The following CDK19 variants were observed in gnomAD, a reference collection of about 807,000 sequenced individuals.
The protein encoded by CDK19 is cyclin dependent kinase 19.
A neutral mutation model predicts 68.3 loss-of-function variants in CDK19; 20 were observed. That is an observed-to-expected ratio of 0.29 (90% CI 0.21 to 0.43). CDK19 has a LOEUF of 0.43. CDK19 is among the 20% of genes least tolerant of loss of function. The pLI, the probability that CDK19 is intolerant of heterozygous loss-of-function variation, is 1.00. For missense variants in CDK19, 339 were observed against 623.5 expected (o/e 0.54, Z 4.86); for synonymous variants, 221 against 222.8 (o/e 0.99, Z 0.07).
At chr6:110,676,877 C>G (rs1771578705) in intron 2 of CDK19, among the ~76,000 whole-genome samples, 1 of 152,156 alleles carries the variant, frequency 6.6e-6, no homozygotes, top group African/African-American at 2.4e-5. Flanking sequence ...ACCAAACTTG[C>G]AATATCTCTA....
chr6:110,723,861 G>C (rs948440877), intron 2 of CDK19, among the ~76,000 whole-genome samples: 1 of 152,050 alleles, frequency 6.6e-6, no homozygotes, highest in Non-Finnish European at 1.5e-5. Flanking sequence ...CGGCCTTTTG[G>C]CTAAGATCAA....
intron 6 of CDK19, among the ~76,000 whole-genome samples, chr6:110,627,715 C>G (rs1313308033): frequency 6.6e-6 from 1 of 152,060 alleles, no homozygotes; most frequent in Non-Finnish European, 1.5e-5. Context: ...CAAGGTCTTA[C>G]CATGTCTAAC....
intron 2 of CDK19, among the ~76,000 whole-genome samples, chr6:110,744,469 T>A (rs1777930749): frequency 6.6e-6 from 1 of 152,050 alleles, no homozygotes; most frequent in African/African-American, 2.4e-5. Context: ...GGGTTCAAGG[T>A]TACAGTGAGA....
intron 1 of CDK19, among the ~76,000 whole-genome samples, chr6:110,770,932 G>A (rs1161472705): frequency 5.9e-5 from 9 of 152,170 alleles, no homozygotes; most frequent in Admixed American, 5.9e-4. Flanking sequence ...CCTTTGACTC[G>A]AGGTCTCACA....
chr6:110,623,219 G>A (rs1778824322), intron 9 of CDK19, 71 bp downstream of exon 9: 1 of 1,242,752 alleles, frequency 8.0e-7, no homozygotes, highest in Admixed American at 1.8e-5. Context: ...TAAAGAGGAG[G>A]AATAGCTGAG....
At chr6:110,771,827 C>T (rs3014321) in intron 1 of CDK19, among the ~76,000 whole-genome samples, 5,370 of 152,300 alleles carry the variant, frequency 0.035, 303 homozygotes, top group African/African-American at 0.12. Flanking sequence ...CAAAGTTCCA[C>T]AAATCTCTAG....
chr6:110,671,958 A>C (rs1215436231), intron 2 of CDK19, among the ~76,000 whole-genome samples: 1 of 152,054 alleles, frequency 6.6e-6, no homozygotes, highest in African/African-American at 2.4e-5. Context: ...TTGTATTTTT[A>C]GTAGAGATAG....
chr6:110,796,204 G>A (rs9487528), intron 1 of CDK19, among the ~76,000 whole-genome samples: 2,076 of 152,272 alleles, frequency 0.014, 58 homozygotes, highest in African/African-American at 0.047. Context: ...TGGGCATGGC[G>A]GTGCACGCCT....
chr6:110,611,947 G>A lies in CDK19; in HGVS notation c.*2588C>T, dbSNP rs1048699125. 5 of 152,210 alleles carry A rather than the reference G, an allele frequency of 3.3e-5. No individual in the cohort carries two copies. The highest frequency in any genetic ancestry group is 1.3e-4 in the Admixed American group (2 of 15,284). 9.4% of individuals were successfully genotyped at this position (152,210 alleles called of 1,614,324 possible). Reference sequence around the variant, plus strand: ...ATAGGAACTCAGTCATGTGTGGAATGGAGATTTCTGGCTATGTCCTGGAGG... The same window carrying A: ...ATAGGAACTCAGTCATGTGTGGAATAGAGATTTCTGGCTATGTCCTGGAGG... On this transcript the variant is annotated 3_prime_UTR_variant, in exon 13 of 13. Coordinates refer to ENST00000368911, the MANE Select transcript of CDK19 (RefSeq NM_015076.5).
chr6:110,784,357 C>T (rs1351132101), intron 1 of CDK19, among the ~76,000 whole-genome samples: 2 of 152,004 alleles, frequency 1.3e-5, no homozygotes, highest in South Asian at 2.1e-4. Flanking sequence ...AGAATATATG[C>T]AATGGTCACT....
chr6:110,794,059 GTTTT>G (rs1781766557), intron 1 of CDK19, among the ~76,000 whole-genome samples: 1 of 151,974 alleles, frequency 6.6e-6, no homozygotes, highest in Non-Finnish European at 1.5e-5. Flanking sequence ...TTGTTTGTTT[GTTTT>G]AAGATGGAGT....
At chr6:110,626,878 T>C (rs1006829988) in intron 7 of CDK19, 33 bp from the exon 8 acceptor site, 3 of 1,406,972 alleles carry the variant, frequency 2.1e-6, no homozygotes, top group Non-Finnish European at 2.9e-6. Flanking sequence ...TTATAGAAAA[T>C]AATGTGTTAA....
In CDK19 at chr6:110,815,011, A is replaced by T; in HGVS notation, c.126T>A (p.Asp42Glu). The change falls in exon 1 of 13, where the codon GAT (aspartate) becomes GAA (glutamate). Residue 42 changes from aspartate to glutamate, a missense_variant and splice_region_variant. This residue lies in a region of CDK19 where 120 missense variants were observed against 224.0 expected (regional missense o/e 0.54). Coordinates refer to ENST00000368911, the MANE Select transcript of CDK19 (RefSeq NM_015076.5). ...YGHVYKARRK[D>E]GKDEKEYALK... is the part of the protein sequence containing the mutation. ...ACTCCTCCCGCCCCTGCTCTTACCC[A>T]TCTTTCCGCCTCGCCTTGTAGACGT... is the stretch of plus-strand genomic sequence containing the variant. 1.2e-6 allele frequency: 2 copies of T among 1,603,556 alleles called. No individual in the cohort carries two copies. Among genetic ancestry groups the T allele is most frequent in the Non-Finnish European group, 8.5e-7 (1 of 1,175,756 alleles).
chr6:110,671,759 C>T (rs907600329), intron 2 of CDK19, among the ~76,000 whole-genome samples: 1 of 152,080 alleles, frequency 6.6e-6, no homozygotes, highest in Admixed American at 6.6e-5. Context: ...AAATAAACTG[C>T]TTACCCATTC....
At chr6:110,749,623 G>A (rs892172076) in intron 1 of CDK19, among the ~76,000 whole-genome samples, 3 of 152,014 alleles carry the variant, frequency 2.0e-5, no homozygotes, top group Admixed American at 6.6e-5. Flanking sequence ...GCCTCCCAAA[G>A]TTCTAGGATT....
intron 4 of CDK19, among the ~76,000 whole-genome samples, chr6:110,653,282 T>C (rs1781088553): frequency 6.6e-6 from 1 of 152,170 alleles, no homozygotes; most frequent in Non-Finnish European, 1.5e-5. Flanking sequence ...AGATTCTATA[T>C]TAAGTTGTGT....
At chr6:110,632,818 G>C (rs191384961) in intron 5 of CDK19, among the ~76,000 whole-genome samples, 31 of 152,302 alleles carry the variant, frequency 2.0e-4, no homozygotes, top group Non-Finnish European at 1.5e-4. Context: ...TCTGACTTTA[G>C]ATTCCTGGCT....
At chr6:110,786,390 T>C (rs1003435483) in intron 1 of CDK19, among the ~76,000 whole-genome samples, 6 of 152,158 alleles carry the variant, frequency 3.9e-5, no homozygotes, top group African/African-American at 1.2e-4. Context: ...CCTTCATGAT[T>C]TCCTTAACTG....
chr6:110,777,372 AACTC>A (rs1780479535), intron 1 of CDK19, among the ~76,000 whole-genome samples: 2 of 152,216 alleles, frequency 1.3e-5, no homozygotes, highest in Admixed American at 6.6e-5. Flanking sequence ...TTGGTTACAT[AACTC>A]ACTCAAACAT....
Sources: allele counts gnomAD v4.1 joint callset (sites outside exome capture counted in the v4.1 genomes callset), GRCh38; gene constraint gnomAD v4.1.1; regional missense constraint gnomAD v4.1.1; transcripts MANE v1.5; gene names NCBI Gene and HGNC (gene_info 2026-07-23, HGNC 2026-07-21).